Variants in FAM228B observed in about 807,000 individuals in gnomAD.
FAM228B encodes family with sequence similarity 228 member B.
FAM228B carries 38 observed loss-of-function variants against 42.6 expected under a neutral mutation model. The observed-to-expected ratio is 0.89, with a 90% confidence interval of 0.69 to 1.17. The LOEUF (loss-of-function observed/expected upper bound fraction) is 1.17. Among genes scored for constraint, FAM228B ranks in the 50% most tolerant of loss-of-function variants. The probability of loss-of-function intolerance (pLI) is 0.00; values close to 1 mark genes in which losing one functional copy is unlikely to be tolerated. For synonymous variants in FAM228B, 109 were observed against 122.3 expected, an observed-to-expected ratio of 0.89 and a Z score of 0.72; for missense variants, 344 against 367.3, an observed-to-expected ratio of 0.94 and a Z score of 0.52.
At chr2:24,136,057 T>TTC (rs1257632219) in intron 3 of FAM228B, among the ~76,000 whole-genome samples, 1 of 121,698 alleles carries the variant, frequency 8.2e-6, no homozygotes, top group African/African-American at 3.0e-5. Flanking sequence ...ACCCTTCTTT[T>TTC]TTTTTTTTTT....
At chr2:24,152,558 T>G (rs1024766655) in intron 7 of FAM228B, among the ~76,000 whole-genome samples, 1 of 152,232 alleles carries the variant, frequency 6.6e-6, no homozygotes, top group African/African-American at 2.4e-5. Flanking sequence ...TGGACTTTGA[T>G]AAGATCCAGA....
chr2:24,142,620 A>T (rs558633302), intron 5 of FAM228B: 2 of 152,296 alleles, frequency 1.3e-5, no homozygotes, highest in East Asian at 3.9e-4. Context: ...TTTTTACTTG[A>T]AAGAATGACT....
Position 24,146,974 on chromosome 2 carries a change from C to A in FAM228B, c.574C>A (p.Gln192Lys). The A allele has an allele frequency of 6.4e-7, 1 of 1,551,390 alleles. No homozygotes were observed. Among genetic ancestry groups the A allele is most frequent in the Non-Finnish European group, 8.7e-7 (1 of 1,146,822 alleles). The part of the protein sequence containing the change: ...IKEFKEVEKV[Q>K]LHSRFPQISN... Reference sequence around the variant, plus strand: ...GGAATTCAAAGAAGTTGAGAAGGTTCAGCTGCATTCCAGATTCCCACAAAT... The same window carrying A: ...GGAATTCAAAGAAGTTGAGAAGGTTAAGCTGCATTCCAGATTCCCACAAAT... Residue 192 changes from glutamine (Q) to lysine (K), a missense_variant, in exon 7 of 11, where the codon CAG becomes AAG. Physicochemically the swap from Gln to Lys is moderately conservative, Grantham distance 53. Coordinates refer to ENST00000615575, the MANE Select transcript of FAM228B (RefSeq NM_001145710.2).
intron 3 of FAM228B, chr2:24,115,631 G>T: frequency 1.2e-6 from 2 of 1,611,154 alleles, no homozygotes; most frequent in South Asian, 1.1e-5. Flanking sequence ...AACACAGCAT[G>T]GTTATTATTT....
intron 3 of FAM228B, among the ~76,000 whole-genome samples, chr2:24,099,455 A>C (rs1665564504): frequency 6.6e-6 from 1 of 152,200 alleles, no homozygotes; most frequent in Admixed American, 6.5e-5. Context: ...TGCAAAAATC[A>C]CAAGCATTCC....
chr2:24,144,705 A>G (rs1366609358), intron 5 of FAM228B, among the ~76,000 whole-genome samples: 1 of 152,090 alleles, frequency 6.6e-6, no homozygotes, highest in Non-Finnish European at 1.5e-5. Context: ...GCCACGGCTC[A>G]CTTTCTTGCA....
intron 2 of FAM228B, among the ~76,000 whole-genome samples, chr2:24,093,919 A>T (rs957062318): frequency 6.6e-6 from 1 of 150,866 alleles, no homozygotes; most frequent in African/African-American, 2.4e-5. Flanking sequence ...TCCTGGCTGC[A>T]TGTGTCTTTG....
intron 2 of FAM228B, among the ~76,000 whole-genome samples, chr2:24,092,967 C>CACACACACACA (rs1553326190): frequency 6.8e-6 from 1 of 147,742 alleles, no homozygotes; most frequent in Non-Finnish European, 1.5e-5. Context: ...CACACACACA[C>CACACACACACA]CATGTACAGA....
At chr2:24,134,986 T>C in intron 2 of FAM228B, 133 bp from the exon 3 acceptor site, 1 of 619,224 alleles carries the variant, frequency 1.6e-6, no homozygotes, top group South Asian at 2.0e-5. Flanking sequence ...CTCGATGATA[T>C]GATTTGGAGG....
chr2:24,141,854 A>G (rs1315504620), intron 5 of FAM228B, among the ~76,000 whole-genome samples: 1 of 151,862 alleles, frequency 6.6e-6, no homozygotes, highest in East Asian at 1.9e-4. Context: ...GTGTCATCCT[A>G]CAAAGTGGTC....
chr2:24,146,186 T>A (rs1375396386), intron 5 of FAM228B, among the ~76,000 whole-genome samples: 1 of 152,174 alleles, frequency 6.6e-6, no homozygotes, highest in Non-Finnish European at 1.5e-5. Context: ...CTTTTAAGCT[T>A]GTGGTAGAAT....
intron 5 of FAM228B, among the ~76,000 whole-genome samples, chr2:24,143,045 G>A (rs115900043): frequency 0.012 from 1,780 of 152,298 alleles, 24 homozygotes; most frequent in Non-Finnish European, 0.017. Flanking sequence ...TATGGTTTCA[G>A]ATTCCACATC....
chr2:24,086,012 G>C lies in FAM228B; in HGVS notation c.-210+5057G>C, dbSNP rs191010050. 3.8e-3 allele frequency among the ~76,000 whole-genome samples: 582 copies of C among 152,238 alleles called. 4 individuals carry two copies. Among genetic ancestry groups the C allele is most frequent in the African/African-American group, 0.013 (560 of 41,536 alleles). On this transcript the variant is annotated intron_variant, in intron 2 of 10. Coordinates refer to the FAM228B transcript ENST00000613899. ...GAACTTTGGGAGGCCAAGGCGGGCGGATCACGAGGTCAGGAGATCGAGACC... is the reference window on the plus strand; with the variant it reads ...GAACTTTGGGAGGCCAAGGCGGGCGCATCACGAGGTCAGGAGATCGAGACC...
chr2:24,156,881 C>T (rs944632603), intron 7 of FAM228B, among the ~76,000 whole-genome samples: 12 of 147,904 alleles, frequency 8.1e-5, no homozygotes, highest in Admixed American at 1.4e-4. Context: ...TCTCTTCTGC[C>T]GGGTTTGGGT....
In FAM228B at chr2:24,095,617, G is replaced by C. The variant is rs1230726871; in HGVS notation, c.-121+388G>C. On this transcript the variant is annotated intron_variant, in intron 3 of 10. Coordinates refer to the FAM228B transcript ENST00000613899. The surrounding 1 kb of genome is among the most constrained non-coding windows in gnomAD (Gnocchi z 4.8). ...CAAAGCAGCCGGGAAGTTCGAACTG[G>C]GCAGAGCCCACTGCAGCTCAGTAAG... 1.3e-5 allele frequency: 2 copies of C among 152,530 alleles called. 1 individual carries two copies. Among genetic ancestry groups the C allele is most frequent in the South Asian group, 4.1e-4 (2 of 4,832 alleles). 9.4% of individuals were successfully genotyped at this position (152,530 alleles called of 1,614,324 possible). A position where few individuals can be genotyped will look rare whatever the true frequency, so the allele number is the denominator to read the frequency against.
chr2:24,144,935 A>C (rs2151022684), intron 5 of FAM228B, among the ~76,000 whole-genome samples: 1 of 152,136 alleles, frequency 6.6e-6, no homozygotes, highest in East Asian at 1.9e-4. Flanking sequence ...TGCTGCTACC[A>C]CCACAGCTGG....
Position 24,169,082 on chromosome 2 carries a change from C to G in FAM228B, c.*15-274C>G, listed in dbSNP as rs1667504845. On this transcript the variant is annotated intron_variant, in intron 10 of 10. Transcript: ENST00000615575. The surrounding 1 kb of genome is among the most constrained non-coding windows in gnomAD (Gnocchi z 4.2). ...TGTTGACATCTGAAAGCTGAGACCA[C>G]AGGGGTTCCCTCAAATCATGTCACA... Among the ~76,000 whole-genome samples, 1 of 152,184 alleles carries G rather than the reference C, an allele frequency of 6.6e-6. No homozygotes were observed. Among genetic ancestry groups the G allele is most frequent in the African/African-American group, 2.4e-5 (1 of 41,444 alleles).
intron 7 of FAM228B, among the ~76,000 whole-genome samples, 155 bp from the exon 8 acceptor site, chr2:24,161,351 T>G (rs1394785180): frequency 6.6e-6 from 1 of 152,044 alleles, no homozygotes; most frequent in African/African-American, 2.4e-5. Context: ...GGAGGGTGGC[T>G]GAAGTGGGAG....
At chr2:24,113,996 T>G (rs1404595051) in intron 3 of FAM228B, among the ~76,000 whole-genome samples, 1 of 152,102 alleles carries the variant, frequency 6.6e-6, no homozygotes, top group Non-Finnish European at 1.5e-5. Context: ...AAAACAAATC[T>G]GTGGTACTTG....
Sources: allele counts gnomAD v4.1 joint callset (sites outside exome capture counted in the v4.1 genomes callset), GRCh38; gene constraint gnomAD v4.1.1; non-coding constraint Gnocchi (gnomAD v3.1); transcripts MANE v1.5; gene names NCBI Gene and HGNC (gene_info 2026-07-23, HGNC 2026-07-21).